The following NDRG3 variants were observed in gnomAD, a reference collection of about 807,000 sequenced individuals.
The protein encoded by NDRG3 is protein NDRG3.
Under a neutral mutation model 57.2 loss-of-function variants are expected in NDRG3, and 23 were observed. That is an observed-to-expected ratio of 0.40 (90% CI 0.29 to 0.57). The LOEUF is 0.57. NDRG3 is among the 20% of genes least tolerant of loss of function. The probability of loss-of-function intolerance (pLI) is 0.42; values close to 1 mark genes in which losing one functional copy is unlikely to be tolerated. For missense variants in NDRG3, 384 were observed against 457.3 expected (o/e 0.84, Z 1.46); for synonymous variants, 132 against 162.6 (o/e 0.81, Z 1.43).
At chr20:36,678,129 G>A (rs1021895919) in intron 8 of NDRG3, among the ~76,000 whole-genome samples, 2 of 152,230 alleles carry the variant, frequency 1.3e-5, no homozygotes, top group South Asian at 2.1e-4. Flanking sequence ...TCCACATGTC[G>A]TTGGAAGGAG....
intron 1 of NDRG3, among the ~76,000 whole-genome samples, chr20:36,735,284 C>T (rs1055494406): frequency 2.0e-5 from 3 of 152,156 alleles, no homozygotes; most frequent in South Asian, 2.1e-4. Context: ...ACTGACATGA[C>T]GCTCAGACTA....
chr20:36,719,393 C>T (rs1984457497), intron 2 of NDRG3, among the ~76,000 whole-genome samples: 1 of 145,814 alleles, frequency 6.9e-6, no homozygotes, highest in Non-Finnish European at 1.5e-5. Context: ...CGCCACTGCA[C>T]TCGAGCCTGG....
chr20:36,683,137 G>A (rs1568638839), intron 6 of NDRG3, among the ~76,000 whole-genome samples: 1 of 151,920 alleles, frequency 6.6e-6, no homozygotes, highest in Non-Finnish European at 1.5e-5. Flanking sequence ...CCAGCTGCTC[G>A]GGAGGCTGAG....
chr20:36,680,716 C>A (rs1259781210), intron 8 of NDRG3, 100 bp downstream of exon 8: 2 of 819,002 alleles, frequency 2.4e-6, no homozygotes, highest in Non-Finnish European at 4.0e-6. Flanking sequence ...ATATACTTAA[C>A]ATTTTTACCC....
intron 1 of NDRG3, among the ~76,000 whole-genome samples, chr20:36,726,558 C>T (rs1181339394): frequency 1.3e-5 from 2 of 152,208 alleles, no homozygotes; most frequent in Admixed American, 1.3e-4. Context: ...CTCCAGATCC[C>T]TCAGCTGCAC....
At chr20:36,701,734 G>A (rs1376364153) in intron 3 of NDRG3, among the ~76,000 whole-genome samples, 1 of 151,414 alleles carries the variant, frequency 6.6e-6, no homozygotes, top group Non-Finnish European at 1.5e-5. Context: ...TTTTAATAGA[G>A]ACAGGGTTAC....
intron 3 of NDRG3, among the ~76,000 whole-genome samples, chr20:36,692,642 A>G (rs1982362745): frequency 6.6e-6 from 1 of 152,120 alleles, no homozygotes. Context: ...CCCTACAGCA[A>G]TTTTACATAT....
chr20:36,731,492 C>T (rs1331273379), intron 1 of NDRG3, among the ~76,000 whole-genome samples: 1 of 152,106 alleles, frequency 6.6e-6, no homozygotes, highest in Non-Finnish European at 1.5e-5. Context: ...AAGCCCATGA[C>T]TATGTACATC....
chr20:36,723,268 G>A (rs573034607), intron 1 of NDRG3, among the ~76,000 whole-genome samples: 1 of 152,292 alleles, frequency 6.6e-6, no homozygotes, highest in South Asian at 2.1e-4. Context: ...GAGGAGACAA[G>A]TTGGAGAGAG....
chr20:36,714,443 CTTTTTT>C (rs775474273), intron 2 of NDRG3, among the ~76,000 whole-genome samples: 2 of 124,826 alleles, frequency 1.6e-5, no homozygotes, highest in Non-Finnish European at 3.4e-5. Flanking sequence ...TCATTTTCTT[CTTTTTT>C]TTTTTTTTTT....
chr20:36,681,004 C>A, intron 7 of NDRG3, 102 bp from the exon 8 acceptor site: 1 of 867,386 alleles, frequency 1.2e-6, no homozygotes. Flanking sequence ...TGCCTTAATG[C>A]CTCACATTTG....
intron 8 of NDRG3, among the ~76,000 whole-genome samples, chr20:36,673,897 G>T (rs546077493): frequency 5.3e-5 from 8 of 150,710 alleles, no homozygotes; most frequent in African/African-American, 1.7e-4. Context: ...GAGGTCAGGA[G>T]TTCAAGACCA....
At chr20:36,689,599 T>C (rs1047881329) in intron 3 of NDRG3, among the ~76,000 whole-genome samples, 1 of 152,138 alleles carries the variant, frequency 6.6e-6, no homozygotes, top group East Asian at 1.9e-4. Context: ...ATCCACACGT[T>C]ACAGGGGTGG....
At chr20:36,665,338 TAA>T (rs1386505298) in intron 10 of NDRG3, 37 bp from the exon 11 acceptor site, 2 of 1,595,040 alleles carry the variant, frequency 1.3e-6, no homozygotes, top group Admixed American at 1.7e-5. Flanking sequence ...CCTTTTTGGG[TAA>T]AGTCATAGCA....
chr20:36,713,828 G>C (rs563833234), intron 2 of NDRG3, among the ~76,000 whole-genome samples: 1 of 152,284 alleles, frequency 6.6e-6, no homozygotes, highest in South Asian at 2.1e-4. Flanking sequence ...ACACGTAATT[G>C]ACATGCTAGG....
chr20:36,715,255 C>T (rs1181118038), intron 2 of NDRG3, among the ~76,000 whole-genome samples: 2 of 151,250 alleles, frequency 1.3e-5, no homozygotes, highest in Non-Finnish European at 1.5e-5. Flanking sequence ...ATGTGGATCT[C>T]TTGCCTCCTG....
At chr20:36,741,760 A>C (rs2148236311) in intron 1 of NDRG3, among the ~76,000 whole-genome samples, 1 of 152,326 alleles carries the variant, frequency 6.6e-6, no homozygotes, top group East Asian at 1.9e-4. Context: ...TTAGACCAGC[A>C]GCATCAGCAT....
intron 9 of NDRG3, among the ~76,000 whole-genome samples, chr20:36,670,775 G>A (rs1980080666): frequency 2.0e-5 from 3 of 152,096 alleles, no homozygotes; most frequent in African/African-American, 7.2e-5. Context: ...TGACCTCACT[G>A]CTCATTTACT....
chr20:36,693,072 CAAAAAAAAAAAAAAAAAAAA>C (rs1166724972), intron 3 of NDRG3, among the ~76,000 whole-genome samples: 12 of 4,530 alleles, frequency 2.6e-3, no homozygotes, highest in East Asian at 6.8e-3. Flanking sequence ...GACCCTGTCT[CAAAAAAAAAAAAAAAAAAAA>C]AAAAAAAAAA....
Sources: allele counts gnomAD v4.1 joint callset (sites outside exome capture counted in the v4.1 genomes callset), GRCh38; gene constraint gnomAD v4.1.1; transcripts MANE v1.5; gene names NCBI Gene and HGNC (gene_info 2026-07-23, HGNC 2026-07-21).